The following VSTM4 variants were observed in gnomAD, a reference collection of about 807,000 sequenced individuals.
The protein encoded by VSTM4 is V-set and transmembrane domain containing 4.
VSTM4 carries 20 observed loss-of-function variants against 36.4 expected under a neutral mutation model. The ratio of observed to expected loss-of-function variants is 0.55; its 90% CI spans 0.39 to 0.80. VSTM4 has a LOEUF of 0.80. Among genes scored for constraint, VSTM4 ranks in the 30% least tolerant of loss-of-function variants. The pLI is 0.00. For synonymous variants in VSTM4, 182 were observed against 173.9 expected, an observed-to-expected ratio of 1.05 and a Z score of -0.37; for missense variants, 392 against 404.5, an observed-to-expected ratio of 0.97 and a Z score of 0.26.
chr10:49,107,132 C>T (rs1564598276), intron 2 of VSTM4, among the ~76,000 whole-genome samples: 1 of 152,216 alleles, frequency 6.6e-6, no homozygotes, highest in Non-Finnish European at 1.5e-5. Flanking sequence ...CCACTCACCC[C>T]CACTCACTCA....
intron 7 of VSTM4, among the ~76,000 whole-genome samples, chr10:49,027,777 T>A (rs1358833935): frequency 6.6e-6 from 1 of 152,278 alleles, no homozygotes; most frequent in Non-Finnish European, 1.5e-5. Flanking sequence ...GCAACGATTG[T>A]CTGCTCCTCT....
At chr10:49,096,929 A>T (rs1844582680) in intron 2 of VSTM4, among the ~76,000 whole-genome samples, 1 of 152,118 alleles carries the variant, frequency 6.6e-6, no homozygotes, top group Non-Finnish European at 1.5e-5. Context: ...CTAGGATTAC[A>T]GGCATGAGCC....
intron 5 of VSTM4, among the ~76,000 whole-genome samples, chr10:49,059,616 C>A (rs1430038394): frequency 2.6e-5 from 4 of 152,142 alleles, no homozygotes; most frequent in Non-Finnish European, 5.9e-5. Context: ...GGCTGATCAT[C>A]CACAGCTCTG....
At chr10:49,114,530 A>G (rs1485272656) in intron 1 of VSTM4, among the ~76,000 whole-genome samples, 1 of 152,024 alleles carries the variant, frequency 6.6e-6, no homozygotes, top group Non-Finnish European at 1.5e-5. Flanking sequence ...TCTATAAAAT[A>G]GGGATAATAA....
At chr10:49,077,783 C>T (rs971879176) in intron 3 of VSTM4, among the ~76,000 whole-genome samples, 3 of 152,066 alleles carry the variant, frequency 2.0e-5, no homozygotes, top group East Asian at 1.9e-4. Context: ...CAAGAGGCAC[C>T]GTCTATATTA....
chr10:49,070,386 C>T (rs545113150), intron 4 of VSTM4, among the ~76,000 whole-genome samples: 1 of 148,758 alleles, frequency 6.7e-6, no homozygotes, highest in Admixed American at 6.7e-5. Context: ...TTACCTGTTG[C>T]TTTTTACCTT....
intron 7 of VSTM4, among the ~76,000 whole-genome samples, chr10:49,034,073 C>T (rs1843388974): frequency 1.3e-5 from 2 of 151,508 alleles, no homozygotes; most frequent in African/African-American, 4.8e-5. Context: ...ATTATTATTA[C>T]CATCACTGTC....
At chr10:49,105,198 G>GGAGAGACA (rs1414921274) in intron 2 of VSTM4, among the ~76,000 whole-genome samples, 4 of 73,582 alleles carry the variant, frequency 5.4e-5, no homozygotes, top group Non-Finnish European at 8.4e-5. Context: ...AGAGAGAGAG[G>GGAGAGACA]GAGAGACAGA....
At chr10:49,077,376 G>T (rs1844199082) in intron 3 of VSTM4, 50 bp from the exon 4 acceptor site, 1 of 1,531,040 alleles carries the variant, frequency 6.5e-7, no homozygotes, top group Non-Finnish European at 9.0e-7. Flanking sequence ...GGCCGCAGCA[G>T]AAGTGCGCTG....
chr10:49,088,384 A>G (rs1301091183), intron 2 of VSTM4, among the ~76,000 whole-genome samples: 2 of 152,226 alleles, frequency 1.3e-5, no homozygotes, highest in Non-Finnish European at 2.9e-5. Context: ...ATGTGATCTA[A>G]GATACATCAG....
At chr10:49,070,944 C>G (rs1035223562) in intron 4 of VSTM4, among the ~76,000 whole-genome samples, 1 of 152,262 alleles carries the variant, frequency 6.6e-6, no homozygotes, top group African/African-American at 2.4e-5. Flanking sequence ...TGCTTGGAGG[C>G]CTCCTCCCCA....
At chr10:49,111,380 C>T (rs1481658017) in intron 1 of VSTM4, among the ~76,000 whole-genome samples, 1 of 152,152 alleles carries the variant, frequency 6.6e-6, no homozygotes, top group East Asian at 1.9e-4. Flanking sequence ...AGGCAGGAGA[C>T]AGTGTACAGG....
At chr10:49,074,317 A>C (rs1038501730) in intron 4 of VSTM4, among the ~76,000 whole-genome samples, 1 of 152,244 alleles carries the variant, frequency 6.6e-6, no homozygotes, top group African/African-American at 2.4e-5. Flanking sequence ...AGTAGAGATC[A>C]TTCCAAAATA....
chr10:49,067,758 C>T (rs972651918), intron 4 of VSTM4, among the ~76,000 whole-genome samples: 1 of 152,182 alleles, frequency 6.6e-6, no homozygotes, highest in African/African-American at 2.4e-5. Flanking sequence ...TGGCGGCCTC[C>T]GCAACCTAAT....
chr10:49,113,815 G>A (rs1347333773), intron 1 of VSTM4, among the ~76,000 whole-genome samples: 1 of 152,088 alleles, frequency 6.6e-6, no homozygotes, highest in Non-Finnish European at 1.5e-5. Context: ...CATGAATGAG[G>A]CACTTAGAAA....
intron 2 of VSTM4, among the ~76,000 whole-genome samples, chr10:49,097,775 T>C (rs950724676): frequency 2.0e-5 from 3 of 152,204 alleles, no homozygotes; most frequent in African/African-American, 7.2e-5. Flanking sequence ...AAATATGAAA[T>C]TGTCATCTCA....
intron 3 of VSTM4, among the ~76,000 whole-genome samples, chr10:49,081,544 C>G (rs752554763): frequency 2.0e-5 from 3 of 152,244 alleles, no homozygotes; most frequent in Non-Finnish European, 4.4e-5. Context: ...TAGCAGCATG[C>G]TGCAGACATT....
intron 7 of VSTM4, among the ~76,000 whole-genome samples, chr10:49,022,514 C>T (rs533935958): frequency 1.3e-4 from 20 of 152,220 alleles, no homozygotes; most frequent in African/African-American, 4.8e-4. Flanking sequence ...GGGTGACTGC[C>T]AAGTGACCTA....
At chr10:49,042,270 G>A (rs1263082603) in intron 7 of VSTM4, among the ~76,000 whole-genome samples, 1 of 152,192 alleles carries the variant, frequency 6.6e-6, no homozygotes, top group Non-Finnish European at 1.5e-5. Flanking sequence ...AAGCCAAAAG[G>A]CCTGCTGCTG....
Sources: gnomAD v4.1 joint callset for allele counts (sites outside exome capture counted in the v4.1 genomes callset) on GRCh38, gnomAD v4.1.1 for gene constraint, MANE v1.5 for transcripts, NCBI Gene and HGNC (gene_info 2026-07-23, HGNC 2026-07-21) for gene names.